TOM1: variants seen among roughly 807,000 people sequenced by gnomAD.
The protein encoded by TOM1 is target of myb1 membrane trafficking protein.
Under a neutral mutation model 61.3 loss-of-function variants are expected in TOM1, and 38 were observed. The ratio of observed to expected loss-of-function variants is 0.62; its 90% CI spans 0.48 to 0.81. The LOEUF (loss-of-function observed/expected upper bound fraction) is 0.81. Ranked by LOEUF, TOM1 falls within the 40% of genes least tolerant of loss-of-function variation. The probability of loss-of-function intolerance (pLI) is 0.00; values close to 1 mark genes in which losing one functional copy is unlikely to be tolerated. For missense variants in TOM1, 591 were observed against 659.6 expected (o/e 0.90, Z 1.14); for synonymous variants, 270 against 268.8 (o/e 1.00, Z -0.04).
chr22:35,318,241 A>C (rs113181461), intron 2 of TOM1: 1 of 534,360 alleles, frequency 1.9e-6, no homozygotes, highest in East Asian at 3.0e-5. Flanking sequence ...CCTTGTGTGC[A>C]GCATCTGCCT....
At chr22:35,331,093 C>CT (rs773623729) in intron 8 of TOM1, among the ~76,000 whole-genome samples, 5,659 of 127,140 alleles carry the variant, frequency 0.045, 341 homozygotes, top group East Asian at 0.28. Flanking sequence ...ACCTGTCCAC[C>CT]TTTTTTTTTT....
At chr22:35,314,250 T>C (rs1420734717) in intron 1 of TOM1, among the ~76,000 whole-genome samples, 1 of 152,204 alleles carries the variant, frequency 6.6e-6, no homozygotes, top group East Asian at 1.9e-4. Flanking sequence ...TGTCTTGTAC[T>C]GGAATTGCTC....
At chr22:35,303,261 T>C (rs2145600830) in intron 1 of TOM1, among the ~76,000 whole-genome samples, 1 of 152,102 alleles carries the variant, frequency 6.6e-6, no homozygotes, top group South Asian at 2.1e-4. Flanking sequence ...CCCTGAGGCT[T>C]GCCCCAAGCC....
intron 8 of TOM1, among the ~76,000 whole-genome samples, chr22:35,330,722 G>A (rs1928770360): frequency 6.6e-6 from 1 of 152,170 alleles, no homozygotes; most frequent in Admixed American, 6.5e-5. Flanking sequence ...CCCAAGTCCA[G>A]CCCTGGGAGA....
intron 1 of TOM1, among the ~76,000 whole-genome samples, chr22:35,310,459 A>G (rs1490843004): frequency 1.3e-5 from 2 of 152,204 alleles, no homozygotes; most frequent in Non-Finnish European, 2.9e-5. Context: ...AGGCCGAGTG[A>G]GGCAGGTGAA....
At chr22:35,330,578 CTCG>C in intron 8 of TOM1, 98 bp downstream of exon 8, 2 of 1,222,130 alleles carry the variant, frequency 1.6e-6, no homozygotes, top group Non-Finnish European at 2.2e-6. Context: ...TGAGCCTTCT[CTCG>C]TCCTCCTCTC....
chr22:35,319,341 G>T (rs1927574695), intron 2 of TOM1, among the ~76,000 whole-genome samples: 1 of 152,148 alleles, frequency 6.6e-6, no homozygotes, highest in Non-Finnish European at 1.5e-5. Context: ...GAGGCACTAG[G>T]GACCCAGCAG....
Position 35,323,093 on chromosome 22 carries a change from C to T in TOM1, c.282C>T (p.Phe94=), listed in dbSNP as rs780518383. 3.5e-5 allele frequency: 57 copies of T among 1,614,030 alleles called. No individual in the cohort carries two copies. The highest frequency in any genetic ancestry group is 6.7e-5 in the East Asian group (3 of 44,878). ...RFHVLVASQD[F]VESVLVRTIL... is the part of the protein sequence containing the mutation. ...ACGTGCTGGTGGCCAGCCAGGACTT[C>T]GTGGAGAGTGTGCTGGTGAGGACCA... The change falls in exon 4 of 15, where the codon TTC becomes TTT. Residue 94 remains phenylalanine, a synonymous_variant. Transcript: ENST00000449058. This position sits in a 1 kb window ranked among gnomAD's most constrained non-coding sequence, Gnocchi z 4.2.
rs1326094273 is a variant in TOM1 at position 35,347,735 on chromosome 22, C to A, written c.*526C>A. The A allele has an allele frequency of 6.5e-6, 1 of 153,658 alleles. No homozygotes were observed. The highest frequency in any genetic ancestry group is 1.5e-5 in the Non-Finnish European group (1 of 68,902). 9.5% of individuals were successfully genotyped at this position (153,658 alleles called of 1,614,324 possible). ...GGAGGTGTGGAGGCCCCCTGAGGAG[C>A]TGCGGCGGCCCAGGTACGAAGCTGC... is the stretch of plus-strand genomic sequence containing the variant. On this transcript the variant is annotated 3_prime_UTR_variant, in exon 15 of 15. Coordinates refer to ENST00000449058, the MANE Select transcript of TOM1 (RefSeq NM_005488.3).
Position 35,327,298 on chromosome 22 carries a change from A to T in TOM1, c.676A>T (p.Met226Leu). ...TGGGAAGCTGCGCAGTGAGCTGGAGATGGTGAGTGGGAACGTGAGGGTGAT... is the reference window on the plus strand; with the variant it reads ...TGGGAAGCTGCGCAGTGAGCTGGAGTTGGTGAGTGGGAACGTGAGGGTGAT... ...QIGKLRSELE[M>L]VSGNVRVMSE... is the part of the protein sequence containing the mutation. The change falls in exon 7 of 15, where the codon ATG becomes TTG. Residue 226 changes from methionine (M) to leucine (L), a missense_variant. By Grantham distance (15) the Met-to-Leu change is conservative. Transcript: ENST00000449058. 3.1e-6 allele frequency: 5 copies of T among 1,613,990 alleles called. No individual in the cohort carries two copies. Among genetic ancestry groups the T allele is most frequent in the African/African-American group, 1.3e-5 (1 of 74,998 alleles).
chr22:35,302,409 C>T (rs2145598300), intron 1 of TOM1, among the ~76,000 whole-genome samples: 1 of 139,324 alleles, frequency 7.2e-6, no homozygotes, highest in Admixed American at 7.9e-5. Flanking sequence ...CATCTTGGCT[C>T]ACTGCAACTT....
intron 13 of TOM1, 41 bp downstream of exon 13, chr22:35,345,825 C>T: frequency 6.2e-7 from 1 of 1,604,258 alleles, no homozygotes. Flanking sequence ...GCAGGAGGAC[C>T]CGTTGTTCTC....
intron 1 of TOM1, among the ~76,000 whole-genome samples, chr22:35,301,395 GTAGATCTCA>G: frequency 6.6e-6 from 1 of 152,284 alleles, no homozygotes; most frequent in South Asian, 2.1e-4. Flanking sequence ...TCGCTTGGCA[GTAGATCTCA>G]TAGGTGCTCA....
intron 1 of TOM1, among the ~76,000 whole-genome samples, chr22:35,313,082 C>A (rs1342901714): frequency 6.6e-6 from 1 of 152,100 alleles, no homozygotes; most frequent in East Asian, 1.9e-4. Context: ...GGCAGTGGCT[C>A]ACACCTGTAA....
chr22:35,305,389 C>T (rs558702826), intron 1 of TOM1, among the ~76,000 whole-genome samples: 248 of 152,308 alleles, frequency 1.6e-3, no homozygotes, highest in South Asian at 2.5e-3. Context: ...GGGCCAGGCA[C>T]GGTGGCTCAC....
At chr22:35,328,605 C>T (rs1001450681) in intron 7 of TOM1, among the ~76,000 whole-genome samples, 1 of 152,214 alleles carries the variant, frequency 6.6e-6, no homozygotes, top group Non-Finnish European at 1.5e-5. Context: ...AGAAGCAAAG[C>T]CACCGTGTGC....
chr22:35,338,409 T>C (rs2145709664), intron 11 of TOM1, among the ~76,000 whole-genome samples: 1 of 152,332 alleles, frequency 6.6e-6, no homozygotes, highest in East Asian at 1.9e-4. Context: ...TCCATGAGCC[T>C]ACGGGCACTG....
At chr22:35,344,130 T>C (rs1930294732) in intron 12 of TOM1, 1 of 152,336 alleles carries the variant, frequency 6.6e-6, no homozygotes, top group Admixed American at 6.5e-5. Flanking sequence ...GCACCCCTGT[T>C]AGAAGCCGCG....
chr22:35,316,268 C>T (rs1244102669), intron 1 of TOM1, among the ~76,000 whole-genome samples: 1 of 152,252 alleles, frequency 6.6e-6, no homozygotes, highest in Non-Finnish European at 1.5e-5. Flanking sequence ...TGTCTTATCA[C>T]ACAGTCCTCC....
Sources: gnomAD v4.1 joint callset for allele counts (sites outside exome capture counted in the v4.1 genomes callset) on GRCh38, gnomAD v4.1.1 for gene constraint, Gnocchi (gnomAD v3.1) non-coding constraint, MANE v1.5 for transcripts, NCBI Gene and HGNC (gene_info 2026-07-23, HGNC 2026-07-21) for gene names.